The following TUBB6 variants were observed in gnomAD, a reference collection of about 807,000 sequenced individuals.
TUBB6 encodes tubulin beta-6 chain.
In TUBB6, 18 loss-of-function variants were observed where a neutral mutation model predicts 32.3. That is an observed-to-expected ratio of 0.56 (90% CI 0.39 to 0.83). The LOEUF is 0.83. TUBB6 is among the 40% of genes least tolerant of loss of function. The probability of loss-of-function intolerance (pLI) is 0.00; values close to 1 mark genes in which losing one functional copy is unlikely to be tolerated. For synonymous variants in TUBB6, 280 were observed against 265.8 expected (o/e 1.05, Z -0.52); for missense variants, 480 against 632.0 (o/e 0.76, Z 2.58).
intron 3 of TUBB6, among the ~76,000 whole-genome samples, chr18:12,323,246 G>T (rs138741035): frequency 6.6e-6 from 1 of 152,100 alleles, no homozygotes; most frequent in Non-Finnish European, 1.5e-5. Flanking sequence ...TCACAGCAAT[G>T]TATGAAAGCC....
At chr18:12,320,922 C>G (rs1273588279) in intron 3 of TUBB6, among the ~76,000 whole-genome samples, 2 of 152,232 alleles carry the variant, frequency 1.3e-5, no homozygotes, top group African/African-American at 4.8e-5. Context: ...ACTGCCCTTG[C>G]TATCTCCAGT....
chr18:12,309,024 C>T (rs1418248319), intron 2 of TUBB6, among the ~76,000 whole-genome samples: 4 of 152,200 alleles, frequency 2.6e-5, no homozygotes, highest in African/African-American at 9.7e-5. Flanking sequence ...CACCCGTTAG[C>T]GTTGTGAAAT....
At chr18:12,329,548 G>A (rs558448363), downstream of TUBB6, 13 of 1,609,078 alleles carry the variant, frequency 8.1e-6, no homozygotes, top group African/African-American at 1.3e-5. Flanking sequence ...AGACTGAGAT[G>A]GCCTCCCTCT....
intron 3 of TUBB6, among the ~76,000 whole-genome samples, chr18:12,323,682 C>A (rs1478969704): frequency 6.6e-6 from 1 of 151,986 alleles, no homozygotes; most frequent in Non-Finnish European, 1.5e-5. Context: ...GTGGTGGGTG[C>A]CTGTAGTCAC....
chr18:12,308,756 C>T lies in TUBB6; in HGVS notation c.127C>T (p.Gln43Ter), dbSNP rs761875393. ...AGGCTACGTGGGAGACTCGGCGCTG[C>T]AGCTGGAGAGAATCAACGTCTACTA... ...AGGYVGDSAL[Q>*]LERINVYYNE... The change falls in exon 2 of 4, where the codon CAG (glutamine) becomes TAG (stop). Residue 43 changes from glutamine (Q) to a stop codon, truncating the protein, a stop_gained. Transcript: ENST00000317702. LOFTEE classifies it high-confidence loss of function. 8 of 1,612,724 alleles carry T rather than the reference C, an allele frequency of 5.0e-6. No individual in the cohort carries two copies. In the Admixed American group the frequency reaches 1.0e-4, roughly 20 times the overall value.
chr18:12,317,395 G>A (rs1260875380), intron 3 of TUBB6, among the ~76,000 whole-genome samples: 1 of 152,132 alleles, frequency 6.6e-6, no homozygotes, highest in African/African-American at 2.4e-5. Context: ...TAGGGAGGTT[G>A]AGGCTGAGGC....
intron 3 of TUBB6, among the ~76,000 whole-genome samples, chr18:12,321,336 AT>A (rs916521140): frequency 6.6e-6 from 1 of 152,154 alleles, no homozygotes; most frequent in African/African-American, 2.4e-5. Context: ...TAAATGCTTC[AT>A]CCCCCCCAAG....
intron 3 of TUBB6, among the ~76,000 whole-genome samples, chr18:12,312,738 G>A (rs1263278705): frequency 2.0e-5 from 3 of 150,498 alleles, no homozygotes; most frequent in Non-Finnish European, 3.0e-5. Context: ...AGTAGCTAAC[G>A]CCTGTAATCC....
Position 12,308,329 on chromosome 18 carries a change from G to T in TUBB6, c.37G>T (p.Gly13Trp). Residue 13 changes from glycine (G) to tryptophan (W), a missense_variant, in exon 1 of 4, where the codon GGG becomes TGG. Physicochemically the swap from Gly to Trp is radical, Grantham distance 184. Transcript: ENST00000317702. Reference sequence around the variant, plus strand: ...CGTGCACATCCAGGCGGGCCAGTGCGGGAACCAGATCGGCACCAAGGTGGG... The same window carrying T: ...CGTGCACATCCAGGCGGGCCAGTGCTGGAACCAGATCGGCACCAAGGTGGG... Reference protein sequence around the residue: ...EIVHIQAGQCGNQIGTKFWEV... With the variant: ...EIVHIQAGQCWNQIGTKFWEV... The T allele has an allele frequency of 6.7e-7, 1 of 1,482,318 alleles. No individual in the cohort carries two copies. The highest frequency in any genetic ancestry group is 9.0e-7 in the Non-Finnish European group (1 of 1,112,172). The allele number at this position is 1,482,318 out of a possible 1,614,324, so 91.8% of individuals were successfully genotyped here.
At position 12,308,737 on chromosome 18, in the gene TUBB6, C is replaced by T. The variant is rs1568117441; in HGVS notation, c.108C>T (p.Tyr36=). The change falls in exon 2 of 4, where the codon TAC becomes TAT. Residue 36 remains tyrosine, a synonymous_variant. Transcript: ENST00000317702. The stretch of plus-strand genomic sequence containing the variant: ...ACGGCATCGACCCGGCCGGAGGCTA[C>T]GTGGGAGACTCGGCGCTGCAGCTGG... ...DEHGIDPAGG[Y]VGDSALQLER... 2.5e-6 allele frequency: 4 copies of T among 1,613,286 alleles called. No individual in the cohort carries two copies. Among genetic ancestry groups the T allele is most frequent in the South Asian group, 2.2e-5 (2 of 91,080 alleles).
intron 3 of TUBB6, among the ~76,000 whole-genome samples, chr18:12,315,506 T>A (rs773785741): frequency 2.0e-5 from 3 of 152,246 alleles, no homozygotes; most frequent in Admixed American, 1.3e-4. Context: ...CAAAGAAACG[T>A]AGCAACTGAA....
chr18:12,326,315 C>A lies in TUBB6; in HGVS notation c.*185C>A. The A allele has an allele frequency of 1.1e-6, 1 of 900,902 alleles. No individual in the cohort carries two copies. The highest frequency in any genetic ancestry group is 1.6e-6 in the Non-Finnish European group (1 of 619,226). 55.8% of individuals were successfully genotyped at this position (900,902 alleles called of 1,614,324 possible). A position where few individuals can be genotyped will look rare whatever the true frequency, so the allele number is the denominator to read the frequency against. ...AAAGACTAAAAACAGCAGAGAATTG[C>A]GGGTTCTACCCAGTCAGAAGATCAC... is the stretch of plus-strand genomic sequence containing the variant. On this transcript the variant is annotated 3_prime_UTR_variant, in exon 4 of 4. Coordinates refer to ENST00000317702, the MANE Select transcript of TUBB6 (RefSeq NM_032525.3).
chr18:12,308,222 A>C, upstream of TUBB6: 1 of 1,170,710 alleles, frequency 8.5e-7, no homozygotes, highest in South Asian at 2.5e-5. Flanking sequence ...CGGCCCCGGG[A>C]CGCGCGCAGC....
In TUBB6 at chr18:12,326,295, C is replaced by T; in HGVS notation, c.*165C>T. On this transcript the variant is annotated 3_prime_UTR_variant, in exon 4 of 4. Transcript: ENST00000317702. ...TGTAATTAGTCATCTGGAACAAAGA[C>T]TAAAAACAGCAGAGAATTGCGGGTT... 1 of 1,063,112 alleles carries T rather than the reference C, an allele frequency of 9.4e-7. No individual in the cohort carries two copies. Among genetic ancestry groups the T allele is most frequent in the Non-Finnish European group, 1.3e-6 (1 of 763,222 alleles). The allele number at this position is 1,063,112 out of a possible 1,614,324, so 65.9% of individuals were successfully genotyped here. A position where few individuals can be genotyped will look rare whatever the true frequency, so the allele number is the denominator to read the frequency against.
rs377383975 is a variant in TUBB6, at chr18:12,313,526, G to A, written c.277+2473G>A. On this transcript the variant is annotated intron_variant, in intron 3 of 3. Transcript: ENST00000317702. ...CCAGGGTCCCAGGCAAACTGGAACA[G>A]ATGAATCACATTAAAAGCAATAATC... Among the ~76,000 whole-genome samples the A allele has an allele frequency of 3.3e-5, 5 of 152,330 alleles. No homozygotes were observed. The East Asian group carries it at 9.6e-4, about 29-fold the overall frequency.
At chr18:12,319,948 T>G (rs924272567) in intron 3 of TUBB6, among the ~76,000 whole-genome samples, 1 of 151,802 alleles carries the variant, frequency 6.6e-6, no homozygotes, top group Non-Finnish European at 1.5e-5. Context: ...CACCATGCCA[T>G]GCTAATTTTT....
chr18:12,329,651 T>G (rs745988988), downstream of TUBB6: 10 of 1,613,998 alleles, frequency 6.2e-6, no homozygotes, highest in Non-Finnish European at 8.5e-6. Flanking sequence ...GGAAGTGAGG[T>G]GTCCTCATCC....
intron 3 of TUBB6, among the ~76,000 whole-genome samples, chr18:12,316,832 G>C (rs1252099117): frequency 6.6e-6 from 1 of 152,158 alleles, no homozygotes; most frequent in Non-Finnish European, 1.5e-5. Flanking sequence ...TTTCCAAATA[G>C]AGTTTGAAAT....
At chr18:12,308,233 C>T (rs1906099151), upstream of TUBB6, 23 of 1,271,484 alleles carry the variant, frequency 1.8e-5, no homozygotes, top group Admixed American at 9.7e-5. Context: ...CGCGCGCAGC[C>T]GGCCCGCAGT....
Sources: allele counts gnomAD v4.1 joint callset (sites outside exome capture counted in the v4.1 genomes callset), GRCh38; gene constraint gnomAD v4.1.1; transcripts MANE v1.5; gene names NCBI Gene and HGNC (gene_info 2026-07-23, HGNC 2026-07-21).